BACE2: variants seen among roughly 807,000 people sequenced by gnomAD.
BACE2 encodes 56 kDa aspartic-like protease.
In BACE2, 17 loss-of-function variants were observed where a neutral mutation model predicts 46.2. That is an observed-to-expected ratio of 0.37 (90% CI 0.25 to 0.55). The LOEUF (loss-of-function observed/expected upper bound fraction) is 0.55, where lower values mean the gene tolerates loss of function less well. BACE2 is among the 20% of genes least tolerant of loss of function. The pLI, the probability that BACE2 is intolerant of heterozygous loss-of-function variation, is 0.82. For synonymous variants in BACE2, 277 were observed against 295.9 expected, an observed-to-expected ratio of 0.94 and a Z score of 0.66; for missense variants, 595 against 698.1, an observed-to-expected ratio of 0.85 and a Z score of 1.66.
At chr21:41,232,183 G>A (rs1309321878) in intron 2 of BACE2, among the ~76,000 whole-genome samples, 1 of 152,128 alleles carries the variant, frequency 6.6e-6, no homozygotes, top group Non-Finnish European at 1.5e-5. Context: ...AGCGGCCAGC[G>A]TATTGGGCAG....
At chr21:41,184,231 C>G (rs1985271825) in intron 1 of BACE2, 1 of 167,166 alleles carries the variant, frequency 6.0e-6, no homozygotes. Context: ...CTGAGTGCTT[C>G]AACTAAAAGA....
At position 41,193,193 on chromosome 21, in the gene BACE2, C is replaced by G. The variant is rs1985632488; in HGVS notation, c.312+24618C>G. Reference sequence around the variant, plus strand: ...AGCCGGAGAGTTTACTGTCCTACCCCTGAGGTAGGACAGTAAAGGTGTATT... The same window carrying G: ...AGCCGGAGAGTTTACTGTCCTACCCGTGAGGTAGGACAGTAAAGGTGTATT... On this transcript the variant is annotated intron_variant, in intron 1 of 8. Transcript: ENST00000330333. The surrounding 1 kb of genome is among the most constrained non-coding windows in gnomAD (Gnocchi z 4.2). Among the ~76,000 whole-genome samples, 1 of 152,146 alleles carries G rather than the reference C, an allele frequency of 6.6e-6. No individual in the cohort carries two copies. The highest frequency in any genetic ancestry group is 2.4e-5 in the African/African-American group (1 of 41,426).
At chr21:41,197,790 T>G (rs1212898348) in intron 1 of BACE2, among the ~76,000 whole-genome samples, 1 of 152,198 alleles carries the variant, frequency 6.6e-6, no homozygotes, top group Non-Finnish European at 1.5e-5. Context: ...ATCAGCTATA[T>G]GGCTGAGGTA....
At chr21:41,272,011 G>A (rs1378791836) in intron 8 of BACE2, among the ~76,000 whole-genome samples, 1 of 151,688 alleles carries the variant, frequency 6.6e-6, no homozygotes, top group East Asian at 1.9e-4. Flanking sequence ...AATCTGTGAT[G>A]TGTTCTCTCA....
At chr21:41,219,560 T>G (rs1441686020) in intron 1 of BACE2, among the ~76,000 whole-genome samples, 1 of 152,220 alleles carries the variant, frequency 6.6e-6, no homozygotes, top group Non-Finnish European at 1.5e-5. Flanking sequence ...GATAACTTAG[T>G]GTTTATTATT....
chr21:41,172,126 A>G (rs536131222), intron 1 of BACE2, among the ~76,000 whole-genome samples: 1 of 152,354 alleles, frequency 6.6e-6, no homozygotes, highest in East Asian at 1.9e-4. Flanking sequence ...TATTAAAGAC[A>G]ATGAGAAAAA....
intron 1 of BACE2, among the ~76,000 whole-genome samples, chr21:41,191,334 C>T (rs908509830): frequency 2.0e-5 from 3 of 152,190 alleles, no homozygotes; most frequent in African/African-American, 4.8e-5. Context: ...AGCCCACTGT[C>T]ACACTTCTTT....
At chr21:41,252,478 C>T (rs1473278013) in intron 7 of BACE2, 4 of 152,212 alleles carry the variant, frequency 2.6e-5, no homozygotes, top group South Asian at 2.1e-4. Context: ...CCACTCAGCA[C>T]GCATATTTTC....
At chr21:41,217,120 C>T (rs369912912) in intron 1 of BACE2, among the ~76,000 whole-genome samples, 3 of 152,012 alleles carry the variant, frequency 2.0e-5, no homozygotes, top group Admixed American at 1.3e-4. Context: ...TTAGTAGAGA[C>T]GGGGTTTCAC....
intron 1 of BACE2, among the ~76,000 whole-genome samples, chr21:41,209,832 C>T (rs1003888900): frequency 1.3e-5 from 2 of 152,162 alleles, no homozygotes; most frequent in Non-Finnish European, 2.9e-5. Context: ...ATGTGAAACT[C>T]GCATCCTGTG....
intron 8 of BACE2, among the ~76,000 whole-genome samples, chr21:41,264,243 C>T (rs1217056149): frequency 6.7e-6 from 1 of 149,268 alleles, no homozygotes; most frequent in Non-Finnish European, 1.5e-5. Context: ...TTTTTCATTT[C>T]GATGACTATA....
intron 2 of BACE2, among the ~76,000 whole-genome samples, chr21:41,235,877 T>TGAATGAATGAATGAAC (rs932330726): frequency 1.3e-5 from 2 of 152,180 alleles, no homozygotes; most frequent in South Asian, 2.1e-4. Context: ...AATGAATGAA[T>TGAATGAATGAATGAAC]GAACAAATGA....
In BACE2 at chr21:41,219,138, G is replaced by A. The variant is rs561832883; in HGVS notation, c.313-7128G>A. On this transcript the variant is annotated intron_variant, in intron 1 of 8. Transcript: ENST00000330333. ...GGCCTCCCAAAGTGCTGGGATTACA[G>A]GCGTGAGCCACCGCGCCCAGCCAAT... Among the ~76,000 whole-genome samples, 94 of 152,314 alleles carry A rather than the reference G, an allele frequency of 6.2e-4. 1 individual carries two copies. In the South Asian group the frequency reaches 0.019, roughly 31 times the overall value.
chr21:41,213,491 C>T (rs1409979690), intron 1 of BACE2, among the ~76,000 whole-genome samples: 1 of 152,136 alleles, frequency 6.6e-6, no homozygotes, highest in Non-Finnish European at 1.5e-5. Flanking sequence ...AATGAGTAAG[C>T]TGGCTGGGCA....
chr21:41,271,238 T>TTTTTTTTTTTTTTTTTTTGAGACGG (rs2088431099), intron 8 of BACE2, among the ~76,000 whole-genome samples: 1 of 152,094 alleles, frequency 6.6e-6, no homozygotes, highest in African/African-American at 2.4e-5. Context: ...TCTTGCTTTT[T>TTTTTTTTTTTTTTTTTTTGAGACGG]ATCTAATTTA....
At chr21:41,226,727 C>T (rs146061315) in intron 2 of BACE2, among the ~76,000 whole-genome samples, 2 of 152,254 alleles carry the variant, frequency 1.3e-5, no homozygotes, top group African/African-American at 4.8e-5. Context: ...TCTTGGGAGT[C>T]TGTGAGGCCA....
Position 41,276,334 on chromosome 21 carries a change from A to T in BACE2, c.*710A>T, listed in dbSNP as rs1249694082. On this transcript the variant is annotated 3_prime_UTR_variant, in exon 9 of 9. Coordinates refer to ENST00000330333, the MANE Select transcript of BACE2 (RefSeq NM_012105.5). Reference sequence around the variant, plus strand: ...ATCTCCTCTTTTGTACCCAATACTTATGTTGTATTGTTGGTGCGAAAGTAA... The same window carrying T: ...ATCTCCTCTTTTGTACCCAATACTTTTGTTGTATTGTTGGTGCGAAAGTAA... 1 of 152,174 alleles carries T rather than the reference A, an allele frequency of 6.6e-6. No homozygotes were observed. Among genetic ancestry groups the T allele is most frequent in the East Asian group, 1.9e-4 (1 of 5,182 alleles). The allele number at this position is 152,174 out of a possible 1,614,324, so 9.4% of individuals were successfully genotyped here. A position where few individuals can be genotyped will look rare whatever the true frequency, so the allele number is the denominator to read the frequency against.
At position 41,250,811 on chromosome 21, in the gene BACE2, G is replaced by A. The variant is rs1273238719; in HGVS notation, c.1044G>A (p.Ser348=). 1.2e-5 allele frequency: 19 copies of A among 1,614,036 alleles called. No individual in the cohort carries two copies. Among genetic ancestry groups the A allele is most frequent in the Admixed American group, 1.7e-5 (1 of 60,000 alleles). ...TGSQLACWTN[S]ETPWSYFPKI... is the part of the protein sequence containing the mutation. Reference sequence around the variant, plus strand: ...CCCAGCTGGCGTGCTGGACGAATTCGGAAACACCTTGGTCTTACTTCCCTA... The same window carrying A: ...CCCAGCTGGCGTGCTGGACGAATTCAGAAACACCTTGGTCTTACTTCCCTA... The change falls in exon 7 of 9, where the codon TCG becomes TCA. Residue 348 remains serine (S), a synonymous_variant. Coordinates refer to ENST00000330333, the MANE Select transcript of BACE2 (RefSeq NM_012105.5).
At chr21:41,241,313 G>C (rs533320568) in intron 3 of BACE2, among the ~76,000 whole-genome samples, 1 of 152,302 alleles carries the variant, frequency 6.6e-6, no homozygotes, top group Middle Eastern at 3.4e-3. Context: ...TCATCTGGCA[G>C]AGCTAAGCCT....
Sources: gnomAD v4.1 joint callset for allele counts (sites outside exome capture counted in the v4.1 genomes callset) on GRCh38, gnomAD v4.1.1 for gene constraint, Gnocchi (gnomAD v3.1) non-coding constraint, MANE v1.5 for transcripts, NCBI Gene and HGNC (gene_info 2026-07-23, HGNC 2026-07-21) for gene names.